Variants in ARFGEF1 observed in about 807,000 individuals in gnomAD.
The protein encoded by ARFGEF1 is brefeldin A-inhibited guanine nucleotide-exchange protein 1.
Under a neutral mutation model 231.0 loss-of-function variants are expected in ARFGEF1, and 42 were observed. The observed-to-expected ratio is 0.18, with a 90% CI of 0.14 to 0.24. The LOEUF is 0.24. Ranked by LOEUF, ARFGEF1 falls within the 10% of genes least tolerant of loss-of-function variation. ARFGEF1 has a pLI of 1.00. For synonymous variants in ARFGEF1, 710 were observed against 732.3 expected, an observed-to-expected ratio of 0.97 and a Z score of 0.49; for missense variants, 1,345 against 2,192.0, an observed-to-expected ratio of 0.61 and a Z score of 7.72.
At chr8:67,235,914 T>C (rs1336866535) in intron 22 of ARFGEF1, among the ~76,000 whole-genome samples, 1 of 152,174 alleles carries the variant, frequency 6.6e-6, no homozygotes, top group Admixed American at 6.5e-5. Context: ...ACAGACTTTT[T>C]TTCTATCAGT....
At chr8:67,278,061 T>C (rs1805384774) in intron 7 of ARFGEF1, among the ~76,000 whole-genome samples, 2 of 152,182 alleles carry the variant, frequency 1.3e-5, no homozygotes, top group Admixed American at 6.5e-5. Context: ...TGAGTAATCA[T>C]ACTTGTAATT....
chr8:67,177,151 A>G (rs913263276), intron 5 of ARFGEF1, among the ~76,000 whole-genome samples: 1 of 152,124 alleles, frequency 6.6e-6, no homozygotes, highest in African/African-American at 2.4e-5. Context: ...CTGAGAAGGA[A>G]TACAGGCTAT....
In ARFGEF1 at chr8:67,288,000, T is replaced by C; in HGVS notation, c.982A>G (p.Ile328Val). The C allele has an allele frequency of 6.2e-7, 1 of 1,608,554 alleles. No homozygotes were observed. The highest frequency in any genetic ancestry group is 1.3e-5 in the African/African-American group (1 of 74,766). ...ATTTCTTCTACAATGTTCTGTACAATGTCTTGTGGCTTTTCCTCACAATCA... is the reference window on the plus strand; with the variant it reads ...ATTTCTTCTACAATGTTCTGTACAACGTCTTGTGGCTTTTCCTCACAATCA... ...NHDCEEKPQD[I>V]VQNIVEEMVN... is the part of the protein sequence containing the mutation. Residue 328 changes from isoleucine (I) to valine (V), a missense_variant, in exon 7 of 39, where the codon ATT becomes GTT. Around this residue, in one of 14 missense-constraint regions of ARFGEF1, gnomAD observed 398 missense variants for 463.2 expected, o/e 0.86. Coordinates refer to ENST00000262215, the MANE Select transcript of ARFGEF1 (RefSeq NM_006421.5).
chr8:67,298,330 T>C (rs772539494), intron 4 of ARFGEF1, among the ~76,000 whole-genome samples: 1 of 152,184 alleles, frequency 6.6e-6, no homozygotes, highest in Admixed American at 6.5e-5. Flanking sequence ...TCAGTATCTG[T>C]AACAGAATGA....
chr8:67,203,969 A>C (rs1484318742), intron 35 of ARFGEF1, among the ~76,000 whole-genome samples: 3 of 152,074 alleles, frequency 2.0e-5, no homozygotes, highest in Admixed American at 2.0e-4. Flanking sequence ...TCACTCAAAA[A>C]CATGGCCCTA....
At chr8:67,314,016 G>C (rs750231674) in intron 1 of ARFGEF1, among the ~76,000 whole-genome samples, 1 of 152,064 alleles carries the variant, frequency 6.6e-6, no homozygotes, top group African/African-American at 2.4e-5. Flanking sequence ...GGCTGCCTCT[G>C]CTGAGTCATC....
intron 32 of ARFGEF1, among the ~76,000 whole-genome samples, chr8:67,216,884 T>C (rs1383630845): frequency 6.6e-6 from 1 of 151,868 alleles, no homozygotes; most frequent in Non-Finnish European, 1.5e-5. Flanking sequence ...ATTAAAAGGG[T>C]AATATGGTCA....
chr8:67,251,527 A>G lies in ARFGEF1; in HGVS notation c.2699-77T>C. ...TATTTTGATATTTTACTATCAAATA[A>G]TAAACACCACCAGTAATTAAAAGTA... On this transcript the variant is annotated intron_variant, in intron 18 of 38. Coordinates refer to ENST00000262215, the MANE Select transcript of ARFGEF1 (RefSeq NM_006421.5). 2.3e-6 allele frequency: 3 copies of G among 1,315,772 alleles called. No individual in the cohort carries two copies. The South Asian group carries it at 5.0e-5, about 22-fold the overall frequency. The allele number at this position is 1,315,772 out of a possible 1,614,324, so 81.5% of individuals were successfully genotyped here. A position where few individuals can be genotyped will look rare whatever the true frequency, so the allele number is the denominator to read the frequency against.
chr8:67,199,194 GC>G, intron 38 of ARFGEF1, 96 bp from the exon 39 acceptor site: 1 of 1,453,402 alleles, frequency 6.9e-7, no homozygotes, highest in Non-Finnish European at 9.2e-7. Flanking sequence ...CATCACAGGA[GC>G]CAGGAAAGCA....
At position 67,258,250 on chromosome 8, in the gene ARFGEF1, T is replaced by A. The variant is rs779433086; in HGVS notation, c.2276A>T (p.Asn759Ile). ...CACATATGCATACATGACTTCTTTG[T>A]TAAATTTATCATTATCTCCCAGGAA... Reference protein sequence around the residue: ...GEFLGDNDKFNKEVMYAYVDQ... With the variant: ...GEFLGDNDKFIKEVMYAYVDQ... The change falls in exon 16 of 39, where the codon AAC (asparagine) becomes ATC (isoleucine). Residue 759 changes from asparagine (N) to isoleucine (I), a missense_variant. This residue lies in a region of ARFGEF1 where 105 missense variants were observed against 159.3 expected (regional missense o/e 0.66). Coordinates refer to ENST00000262215, the MANE Select transcript of ARFGEF1 (RefSeq NM_006421.5). The A allele has an allele frequency of 2.5e-6, 4 of 1,609,400 alleles. No individual in the cohort carries two copies. Among genetic ancestry groups the A allele is most frequent in the East Asian group, 4.5e-5 (2 of 44,846 alleles).
chr8:67,251,340 TA>T lies in ARFGEF1; in HGVS notation c.2808del (p.Phe936LeufsTer10). 6.2e-7 allele frequency: 1 copy of T among 1,611,442 alleles called. No homozygotes were observed. ...ACATGCTCCAAATGTGTTGCACTTGTAAAGGGTGCCTGAACATGGCTCACGG... is the reference window on the plus strand; with the variant it reads ...ACATGCTCCAAATGTGTTGCACTTGTAAGGGTGCCTGAACATGGCTCACGG... Reference protein sequence around the residue: ...MEAVSHVQAPFTSATHLEHVR... With the variant: ...MEAVSHVQAPXTSATHLEHVR... On this transcript the variant is annotated frameshift_variant, in exon 19 of 39. Transcript: ENST00000262215. LOFTEE classifies it high-confidence loss of function.
intron 20 of ARFGEF1, 43 bp from the exon 21 acceptor site, chr8:67,238,936 G>A (rs756201341): frequency 7.8e-5 from 115 of 1,476,268 alleles, no homozygotes; most frequent in Admixed American, 2.6e-4. Context: ...TCTAAATAGA[G>A]CAGACTGATT....
At chr8:67,339,771 TTGTAACAG>T (rs1258199364) in intron 1 of ARFGEF1, among the ~76,000 whole-genome samples, 2 of 59,066 alleles carry the variant, frequency 3.4e-5, no homozygotes, top group African/African-American at 6.9e-5. Context: ...TTCTTATCAG[TTGTAACAG>T]TGTAACAGTG....
At chr8:67,234,690 C>T (rs920700455) in intron 22 of ARFGEF1, among the ~76,000 whole-genome samples, 13 of 151,970 alleles carry the variant, frequency 8.6e-5, no homozygotes, top group African/African-American at 1.7e-4. Context: ...GTACTACTTT[C>T]GAAAACAGGG....
At chr8:67,311,127 C>T (rs1222740149) in intron 1 of ARFGEF1, among the ~76,000 whole-genome samples, 189 of 148,088 alleles carry the variant, frequency 1.3e-3, no homozygotes, top group Admixed American at 2.9e-3. Flanking sequence ...GTCAGCCCCG[C>T]GACCGGCCAG....
chr8:67,257,668 G>A (rs896995804), intron 17 of ARFGEF1, 64 bp downstream of exon 17: 1 of 1,254,450 alleles, frequency 8.0e-7, no homozygotes, highest in Non-Finnish European at 1.1e-6. Flanking sequence ...ATTACTTACT[G>A]AATTCAGAAT....
At chr8:67,288,101 T>A in intron 6 of ARFGEF1, 36 bp from the exon 7 acceptor site, 1 of 1,435,592 alleles carries the variant, frequency 7.0e-7, no homozygotes, top group Non-Finnish European at 9.5e-7. Context: ...AACATTATTT[T>A]AACTTTTTGG....
At chr8:67,219,351 G>A (rs1048618994) in intron 30 of ARFGEF1, 80 bp downstream of exon 30, 9 of 1,461,130 alleles carry the variant, frequency 6.2e-6, no homozygotes, top group Middle Eastern at 2.3e-4. Context: ...TACTTAATTT[G>A]AAACACTAAA....
At chr8:67,217,759 A>C in intron 32 of ARFGEF1, 23 bp downstream of exon 32, 2 of 1,608,876 alleles carry the variant, frequency 1.2e-6, no homozygotes, top group Non-Finnish European at 1.7e-6. Context: ...ATATAAATGT[A>C]AAGTTGTATA....
Sources: gnomAD v4.1 joint callset for allele counts (sites outside exome capture counted in the v4.1 genomes callset) on GRCh38, gnomAD v4.1.1 for gene constraint, gnomAD v4.1.1 regional missense constraint, MANE v1.5 for transcripts, NCBI Gene and HGNC (gene_info 2026-07-23, HGNC 2026-07-21) for gene names.